COG6: variants seen among roughly 807,000 people sequenced by gnomAD.
COG6 encodes the protein conserved oligomeric Golgi complex subunit 6.
In COG6, 74 loss-of-function variants were observed where a neutral mutation model predicts 88.8. The observed-to-expected ratio is 0.83, with a 90% CI of 0.69 to 1.01. The LOEUF is 1.01. Ranked by LOEUF, COG6 falls within the 50% of genes least tolerant of loss-of-function variation. COG6 has a pLI of 0.00. For missense variants in COG6, 800 were observed against 797.9 expected (o/e 1.00, Z -0.03); for synonymous variants, 286 against 278.7 (o/e 1.03, Z -0.26).
In COG6 at chr13:39,751,739, A is replaced by C; in HGVS notation, c.*646A>C. 1 of 1,287,048 alleles carries C rather than the reference A, an allele frequency of 7.8e-7. No homozygotes were observed. Among genetic ancestry groups the C allele is most frequent in the Non-Finnish European group, 1.0e-6 (1 of 988,552 alleles). 79.7% of individuals were successfully genotyped at this position (1,287,048 alleles called of 1,614,324 possible). A position where few individuals can be genotyped will look rare whatever the true frequency, so the allele number is the denominator to read the frequency against. ...AATTTTAAGTATACACTCAGCAATA[A>C]TTAGAAAAAAAGGAGAGAGAAAAGT... On this transcript the variant is annotated 3_prime_UTR_variant, in exon 19 of 19. Transcript: ENST00000455146.
At chr13:39,677,006 CAT>C (rs1157685079) in intron 4 of COG6, among the ~76,000 whole-genome samples, 1 of 152,148 alleles carries the variant, frequency 6.6e-6, no homozygotes, top group Non-Finnish European at 1.5e-5. Flanking sequence ...TCTTCTATAA[CAT>C]AAAATAAACT....
chr13:39,688,241 T>C (rs1876780965), intron 10 of COG6, among the ~76,000 whole-genome samples: 1 of 152,186 alleles, frequency 6.6e-6, no homozygotes, highest in South Asian at 2.1e-4. Flanking sequence ...CTTTTTTCAT[T>C]CTCATGGCAC....
At chr13:39,752,673 A>T (rs541260534), downstream of COG6, 11 of 1,192,610 alleles carry the variant, frequency 9.2e-6, no homozygotes, top group East Asian at 6.6e-4. Context: ...TATATATCCT[A>T]TTGATGTGTT....
At chr13:39,674,372 AT>A (rs1875838535) in intron 4 of COG6, among the ~76,000 whole-genome samples, 1 of 151,940 alleles carries the variant, frequency 6.6e-6, no homozygotes, top group Admixed American at 6.6e-5. Flanking sequence ...TTATTTCGAA[AT>A]TATTTGGTGT....
chr13:39,775,239 T>C (rs1282724211), intron 18 of COG6, among the ~76,000 whole-genome samples: 2 of 150,528 alleles, frequency 1.3e-5, no homozygotes, highest in East Asian at 4.0e-4. Flanking sequence ...AGTTTCCTCA[T>C]TGGTCAGATG....
chr13:39,712,448 G>T (rs1243953304), intron 13 of COG6, among the ~76,000 whole-genome samples: 1 of 151,600 alleles, frequency 6.6e-6, no homozygotes, highest in African/African-American at 2.4e-5. Flanking sequence ...ATATGTAGTG[G>T]TATATGTATA....
At chr13:39,725,906 ATTAG>A (rs1879111810) in intron 17 of COG6, among the ~76,000 whole-genome samples, 1 of 151,934 alleles carries the variant, frequency 6.6e-6, no homozygotes, top group Non-Finnish European at 1.5e-5. Flanking sequence ...GATCTGTAAC[ATTAG>A]TTAGTACCAA....
At chr13:39,775,142 C>T (rs1169091024) in intron 18 of COG6, among the ~76,000 whole-genome samples, 1 of 152,136 alleles carries the variant, frequency 6.6e-6, no homozygotes, top group African/African-American at 2.4e-5. Context: ...GCTCGGGAGC[C>T]AGGCCTGGCC....
At chr13:39,740,826 A>G (rs1361365811) in intron 18 of COG6, among the ~76,000 whole-genome samples, 1 of 152,172 alleles carries the variant, frequency 6.6e-6, no homozygotes, top group Non-Finnish European at 1.5e-5. Context: ...TGTTTTTCAT[A>G]AGGATATTAT....
intron 18 of COG6, among the ~76,000 whole-genome samples, chr13:39,776,032 G>A (rs1290785417): frequency 6.6e-6 from 1 of 152,212 alleles, no homozygotes; most frequent in Non-Finnish European, 1.5e-5. Flanking sequence ...GTCTCCCAAA[G>A]TGCTGGGATT....
chr13:39,706,215 TTATA>T (rs141224881), intron 13 of COG6, among the ~76,000 whole-genome samples: 1 of 126,730 alleles, frequency 7.9e-6, no homozygotes, highest in East Asian at 2.3e-4. Flanking sequence ...ATATACTCCT[TTATA>T]TATATATATA....
chr13:39,731,329 T>C (rs946503407), intron 18 of COG6, among the ~76,000 whole-genome samples: 2 of 152,176 alleles, frequency 1.3e-5, no homozygotes, highest in Non-Finnish European at 1.5e-5. Flanking sequence ...ATTGAATACA[T>C]TTAAGTAGCT....
At chr13:39,778,619 A>C (rs1035625256) in intron 18 of COG6, among the ~76,000 whole-genome samples, 7 of 152,260 alleles carry the variant, frequency 4.6e-5, no homozygotes, top group African/African-American at 1.7e-4. Context: ...TGAAAACAGA[A>C]CAAATTATTC....
intron 4 of COG6, among the ~76,000 whole-genome samples, chr13:39,670,146 A>G (rs901990950): frequency 1.3e-5 from 2 of 152,148 alleles, no homozygotes; most frequent in East Asian, 3.9e-4. Flanking sequence ...GCTCTAATAG[A>G]TAAAGCTTAA....
chr13:39,728,813 C>A (rs557930400), intron 18 of COG6, among the ~76,000 whole-genome samples: 1 of 151,562 alleles, frequency 6.6e-6, no homozygotes, highest in South Asian at 2.1e-4. Context: ...TACAGGCGCC[C>A]ACCTCCACAC....
chr13:39,748,357 G>C (rs886167322), intron 18 of COG6, among the ~76,000 whole-genome samples: 7 of 152,154 alleles, frequency 4.6e-5, no homozygotes, highest in African/African-American at 1.4e-4. Context: ...GCTCATGCCT[G>C]TAATCCCAGC....
intron 18 of COG6, among the ~76,000 whole-genome samples, chr13:39,730,455 A>T (rs899654795): frequency 1.1e-4 from 16 of 152,252 alleles, no homozygotes; most frequent in African/African-American, 3.1e-4. Flanking sequence ...CTTTGAAAAT[A>T]TAGGGCATTT....
chr13:39,725,429 A>G (rs910608177), intron 17 of COG6, among the ~76,000 whole-genome samples: 1 of 151,922 alleles, frequency 6.6e-6, no homozygotes, highest in African/African-American at 2.4e-5. Flanking sequence ...CCTGACTTTC[A>G]TAGATAGTCC....
At chr13:39,759,681 T>C (rs946005885) in intron 18 of COG6, among the ~76,000 whole-genome samples, 2 of 152,158 alleles carry the variant, frequency 1.3e-5, no homozygotes, top group Non-Finnish European at 2.9e-5. Flanking sequence ...GGTCCAAATA[T>C]GAAATTTCTA....
Sources: allele counts gnomAD v4.1 joint callset (sites outside exome capture counted in the v4.1 genomes callset), GRCh38; gene constraint gnomAD v4.1.1; transcripts MANE v1.5; gene names NCBI Gene and HGNC (gene_info 2026-07-23, HGNC 2026-07-21).